POM121: variants seen among roughly 807,000 people sequenced by gnomAD.
POM121 encodes the protein nuclear envelope pore membrane protein POM 121.
In POM121, 32 loss-of-function variants were observed where a neutral mutation model predicts 81.3. The ratio of observed to expected loss-of-function variants is 0.39; its 90% CI spans 0.30 to 0.53. The LOEUF is 0.53. Among genes scored for constraint, POM121 ranks in the 20% least tolerant of loss-of-function variants. POM121 has a pLI of 0.66. For synonymous variants in POM121, 514 were observed against 694.2 expected, an observed-to-expected ratio of 0.74 and a Z score of 4.08; for missense variants, 1,138 against 1,614.6, an observed-to-expected ratio of 0.70 and a Z score of 5.06.
At chr7:72,880,944 C>T (rs1790081254) in intron 1 of POM121, among the ~76,000 whole-genome samples, 1 of 107,514 alleles carries the variant, frequency 9.3e-6, no homozygotes, top group African/African-American at 3.0e-5. Flanking sequence ...TCTTTTTGCA[C>T]CTTGTATTTG....
intron 3 of POM121, among the ~76,000 whole-genome samples, chr7:72,902,523 A>G (rs535642463): frequency 6.8e-6 from 1 of 146,264 alleles, no homozygotes; most frequent in Non-Finnish European, 1.5e-5. Flanking sequence ...TAGTTTGTCT[A>G]TAATACATTC....
At chr7:72,894,189 G>A (rs1410417647) in intron 3 of POM121, among the ~76,000 whole-genome samples, 1 of 152,178 alleles carries the variant, frequency 6.6e-6, no homozygotes, top group Non-Finnish European at 1.5e-5. Flanking sequence ...CTTGAACCCG[G>A]GAGGCAGCAG....
intron 5 of POM121, among the ~76,000 whole-genome samples, chr7:72,935,065 A>C (rs1384878259): frequency 3.3e-5 from 5 of 151,538 alleles, no homozygotes; most frequent in Non-Finnish European, 1.5e-5. Flanking sequence ...AAGTTCTGAG[A>C]TACTGATTGG....
At chr7:72,936,351 T>A (rs549439509) in intron 5 of POM121, among the ~76,000 whole-genome samples, 9 of 152,040 alleles carry the variant, frequency 5.9e-5, no homozygotes, top group African/African-American at 1.9e-4. Flanking sequence ...CTTTTTTTTT[T>A]TGAGACGGAG....
chr7:72,889,156 C>T (rs1331574869), intron 1 of POM121, among the ~76,000 whole-genome samples: 1 of 152,208 alleles, frequency 6.6e-6, no homozygotes, highest in African/African-American at 2.4e-5. Flanking sequence ...CACCTCCTTG[C>T]TTTCTGGACT....
chr7:72,911,626 C>T (rs1563145134), intron 3 of POM121, among the ~76,000 whole-genome samples: 1 of 152,148 alleles, frequency 6.6e-6, no homozygotes, highest in African/African-American at 2.4e-5. Context: ...TTCCTCATTT[C>T]GTCTGTTCAC....
At chr7:72,886,967 T>C (rs1194217180) in intron 1 of POM121, among the ~76,000 whole-genome samples, 1 of 151,752 alleles carries the variant, frequency 6.6e-6, no homozygotes, top group Non-Finnish European at 1.5e-5. Flanking sequence ...TTTTTATCAT[T>C]ATCTCTTCAA....
chr7:72,913,970 T>A (rs1407155529), intron 4 of POM121: 2 of 152,230 alleles, frequency 1.3e-5, no homozygotes, highest in Admixed American at 1.3e-4. Context: ...TGGTCGGGGT[T>A]ATGTCTCTTT....
chr7:72,891,801 C>T (rs1791322601), intron 3 of POM121, among the ~76,000 whole-genome samples: 3 of 152,182 alleles, frequency 2.0e-5, no homozygotes. Context: ...CAGTTTCTTT[C>T]CTTCCTTGCT....
At chr7:72,941,372 G>A (rs1449171797) in intron 10 of POM121, among the ~76,000 whole-genome samples, 2 of 150,610 alleles carry the variant, frequency 1.3e-5, no homozygotes, top group Non-Finnish European at 3.0e-5. Flanking sequence ...CCAGCACTTC[G>A]AGGGCTGCTG....
chr7:72,886,393 C>T (rs2129574565), intron 1 of POM121, among the ~76,000 whole-genome samples: 1 of 152,136 alleles, frequency 6.6e-6, no homozygotes, highest in East Asian at 1.9e-4. Flanking sequence ...AGGCTGGTCT[C>T]GAACTCCTGA....
chr7:72,943,169 G>A lies in POM121; in HGVS notation c.3176G>A (p.Gly1059Asp), dbSNP rs1797296972. The A allele has an allele frequency of 1.2e-6, 2 of 1,613,274 alleles. No individual in the cohort carries two copies. The highest frequency in any genetic ancestry group is 1.7e-4 in the Middle Eastern group (1 of 6,006). Residue 1059 changes from glycine (G) to aspartate (D), a missense_variant, in exon 11 of 13, where the codon GGC (glycine) becomes GAC (aspartate). Transcript: ENST00000434423. ...APASSQPAFGGSTAVFFGAAT... is the reference protein window; with the variant it reads ...APASSQPAFGDSTAVFFGAAT... Reference sequence around the variant, plus strand: ...GCCAGCTCACAGCCCGCCTTTGGCGGCTCCACTGCTGTCTTCTTCGGTGCA... The same window carrying A: ...GCCAGCTCACAGCCCGCCTTTGGCGACTCCACTGCTGTCTTCTTCGGTGCA...
At chr7:72,897,847 T>C (rs3095070) in intron 3 of POM121, among the ~76,000 whole-genome samples, 1 of 152,046 alleles carries the variant, frequency 6.6e-6, no homozygotes, top group Admixed American at 6.6e-5. Context: ...ATAGCAAGAC[T>C]CTGTCTCTAA....
intron 12 of POM121, among the ~76,000 whole-genome samples, 185 bp downstream of exon 12, chr7:72,945,893 C>T (rs1458852703): frequency 4.6e-5 from 7 of 152,130 alleles, no homozygotes; most frequent in Admixed American, 6.5e-5. Flanking sequence ...AGGAGCTGTC[C>T]GGGGTGGAAG....
downstream of POM121, chr7:72,949,121 C>A (rs2305360): frequency 1.3e-6 from 2 of 1,525,680 alleles, no homozygotes; most frequent in South Asian, 2.2e-5. Context: ...AAGCGTGTCT[C>A]GGTTACACAG....
chr7:72,886,879 AT>A (rs1434850634), intron 1 of POM121, among the ~76,000 whole-genome samples: 1 of 149,250 alleles, frequency 6.7e-6, no homozygotes, highest in Non-Finnish European at 1.5e-5. Flanking sequence ...TCATGGTATC[AT>A]TTTTTTCATG....
chr7:72,902,446 A>G (rs1405419146), intron 3 of POM121, among the ~76,000 whole-genome samples: 3 of 150,286 alleles, frequency 2.0e-5, no homozygotes, highest in Non-Finnish European at 4.5e-5. Flanking sequence ...TATACTTTTC[A>G]GCTTCAGACT....
chr7:72,899,591 T>G (rs1554492298), intron 3 of POM121, among the ~76,000 whole-genome samples: 1 of 150,530 alleles, frequency 6.6e-6, no homozygotes, highest in Admixed American at 6.6e-5. Flanking sequence ...TTTTTTTTTT[T>G]TTTTTGAGAC....
intron 6 of POM121, 50 bp from the exon 7 acceptor site, chr7:72,939,286 C>T: frequency 6.2e-7 from 1 of 1,600,370 alleles, no homozygotes. Flanking sequence ...TTATTTAATA[C>T]TTCAGCCAAG....
Sources: gnomAD v4.1 joint callset for allele counts (sites outside exome capture counted in the v4.1 genomes callset) on GRCh38, gnomAD v4.1.1 for gene constraint, MANE v1.5 for transcripts, NCBI Gene and HGNC (gene_info 2026-07-23, HGNC 2026-07-21) for gene names.